SERPINA5: variants seen among roughly 807,000 people sequenced by gnomAD.
SERPINA5 encodes the protein plasma serine protease inhibitor.
A neutral mutation model predicts 25.3 loss-of-function variants in SERPINA5; 25 were observed. That is an observed-to-expected ratio of 0.99 (90% CI 0.72 to 1.38). The LOEUF (loss-of-function observed/expected upper bound fraction) is 1.38, where lower values mean the gene tolerates loss of function less well. Ranked by LOEUF, SERPINA5 falls within the 40% of genes most tolerant of loss-of-function variation. The pLI is 0.00. For synonymous variants in SERPINA5, 234 were observed against 206.2 expected (o/e 1.14, Z -1.16); for missense variants, 599 against 509.5 (o/e 1.18, Z -1.69).
Position 94,587,821 on chromosome 14 carries a change from C to A in SERPINA5, c.459C>A (p.Tyr153Ter). The A allele has an allele frequency of 6.2e-7, 1 of 1,613,994 alleles. No individual in the cohort carries two copies. The highest frequency in any genetic ancestry group is 8.5e-7 in the Non-Finnish European group (1 of 1,179,860). Residue 153 changes from tyrosine to a stop codon, truncating the protein, a stop_gained, in exon 3 of 6, where the codon TAC becomes TAA. Coordinates refer to ENST00000329597, the MANE Select transcript of SERPINA5 (RefSeq NM_000624.6). LOFTEE classifies it high-confidence loss of function. ...DTFVSAMKTL[Y>*]LADTFPTNFR... is the part of the protein sequence containing the mutation. ...TCGTAAGTGCCATGAAGACGCTGTA[C>A]CTGGCAGACACTTTCCCTACCAACT... is the stretch of plus-strand genomic sequence containing the variant.
chr14:94,585,008 C>T (rs1315624098), intron 2 of SERPINA5, among the ~76,000 whole-genome samples: 1 of 152,192 alleles, frequency 6.6e-6, no homozygotes, highest in African/African-American at 2.4e-5. Flanking sequence ...TCATTATCTG[C>T]AGATTAGGGC....
Position 94,590,911 on chromosome 14 carries a change from T to A in SERPINA5, c.1038+15T>A, listed in dbSNP as rs1885256030. The A allele has an allele frequency of 3.8e-6, 6 of 1,599,824 alleles. No individual in the cohort carries two copies. In the Admixed American group the frequency reaches 1.0e-4, roughly 27 times the overall value. On this transcript the variant is annotated intron_variant, in intron 5 of 5. Coordinates refer to ENST00000329597, the MANE Select transcript of SERPINA5 (RefSeq NM_000624.6). ...AGGTGTCTGAGGTGGGTTCAGAAGC[T>A]CCTATGCATCTGCTTCCCAAGGTCT...
At chr14:94,582,201 G>A (rs1884939696) in intron 2 of SERPINA5, 1 of 152,230 alleles carries the variant, frequency 6.6e-6, no homozygotes, top group African/African-American at 2.4e-5. Context: ...AATAAAGTAA[G>A]CAGAATTTTT....
chr14:94,590,567 C>T, intron 4 of SERPINA5, 182 bp from the exon 5 acceptor site: 1 of 817,948 alleles, frequency 1.2e-6, no homozygotes, highest in Non-Finnish European at 1.8e-6. Context: ...AAGTCCAGAG[C>T]AAGGGGAGGC....
chr14:94,586,094 C>G (rs1444197128), intron 2 of SERPINA5, among the ~76,000 whole-genome samples: 1 of 152,112 alleles, frequency 6.6e-6, no homozygotes, highest in Non-Finnish European at 1.5e-5. Flanking sequence ...AGACTTCTAC[C>G]CGTAGCCAGA....
chr14:94,590,544 G>A lies in SERPINA5; in HGVS notation c.891-205G>A, dbSNP rs1885245216. 1.9e-5 allele frequency: 15 copies of A among 782,946 alleles called. No individual in the cohort carries two copies. In the East Asian group the frequency reaches 3.9e-4, roughly 20 times the overall value. 48.5% of individuals were successfully genotyped at this position (782,946 alleles called of 1,614,324 possible). A position where few individuals can be genotyped will look rare whatever the true frequency, so the allele number is the denominator to read the frequency against. ...TGCCAGAGTGGGCAGAGACCTCTGG[G>A]CAGCCCACGTCCAAGTCCAGAGCAA... On this transcript the variant is annotated intron_variant, in intron 4 of 5. Coordinates refer to ENST00000329597, the MANE Select transcript of SERPINA5 (RefSeq NM_000624.6).
Position 94,582,568 on chromosome 14 carries a change from G to T in SERPINA5, c.-18+858G>T, listed in dbSNP as rs961368078. Among the ~76,000 whole-genome samples, 4 of 152,242 alleles carry T rather than the reference G, an allele frequency of 2.6e-5. No individual in the cohort carries two copies. The East Asian group carries it at 7.7e-4, about 29-fold the overall frequency. On this transcript the variant is annotated intron_variant, in intron 2 of 5. Transcript: ENST00000329597. The stretch of plus-strand genomic sequence containing the variant: ...TGAGCTCCGGGGCGGGGAGAGCTCA[G>T]CTCTGGGTGGCCAGCCTGGCTTTTT...
rs1162598388 is a variant in SERPINA5 at position 94,587,727 on chromosome 14, G to A, written c.365G>A (p.Arg122Lys). Reference protein sequence around the residue: ...QQLLQELNQPRDGFQLSLGNA... With the variant: ...QQLLQELNQPKDGFQLSLGNA... ...CTCCTTCAGGAACTCAACCAGCCCA[G>A]AGATGGCTTCCAGCTGAGCCTCGGC... Residue 122 changes from arginine (R) to lysine (K), a missense_variant, in exon 3 of 6, where the codon AGA becomes AAA. By Grantham distance (26) the Arg-to-Lys change is conservative (BLOSUM62 2). Coordinates refer to ENST00000329597, the MANE Select transcript of SERPINA5 (RefSeq NM_000624.6). 1 of 1,614,228 alleles carries A rather than the reference G, an allele frequency of 6.2e-7. No homozygotes were observed. Among genetic ancestry groups the A allele is most frequent in the Non-Finnish European group, 8.5e-7 (1 of 1,180,038 alleles).
chr14:94,583,351 C>A (rs1331530087), intron 2 of SERPINA5, among the ~76,000 whole-genome samples: 1 of 152,194 alleles, frequency 6.6e-6, no homozygotes, highest in Non-Finnish European at 1.5e-5. Flanking sequence ...GGAAAGGCGG[C>A]AGCTTTAAGA....
chr14:94,590,892 CT>C lies in SERPINA5; in HGVS notation c.1035del (p.Glu346ArgfsTer32). The C allele has an allele frequency of 6.2e-7, 1 of 1,610,360 alleles. No homozygotes were observed. Among genetic ancestry groups the C allele is most frequent in the Middle Eastern group, 1.7e-4 (1 of 6,056 alleles). ...GISNHSNIQV[S>X]EMVHKAVVEV... ...AGCAACCACTCAAATATCCAGGTGT[CT>C]GAGGTGGGTTCAGAAGCTCCTATGC... On this transcript the variant is annotated frameshift_variant, in exon 5 of 6. Coordinates refer to ENST00000329597, the MANE Select transcript of SERPINA5 (RefSeq NM_000624.6). LOFTEE classifies it low-confidence loss of function (END_TRUNC).
Position 94,584,974 on chromosome 14 carries a change from G to C in SERPINA5, c.-17-2372G>C, listed in dbSNP as rs148784904. On this transcript the variant is annotated intron_variant, in intron 2 of 5. Coordinates refer to ENST00000329597, the MANE Select transcript of SERPINA5 (RefSeq NM_000624.6). The stretch of plus-strand genomic sequence containing the variant: ...TGGGAACAGGTAGGGAGTGTCAGTG[G>C]GGGGAAGCCCAGACTCTGCTCACTC... Among the ~76,000 whole-genome samples the C allele has an allele frequency of 2.9e-3, 440 of 152,292 alleles. 1 individual carries two copies. Among genetic ancestry groups the C allele is most frequent in the African/African-American group, 9.6e-3 (400 of 41,574 alleles).
rs1448188631 is a variant in SERPINA5 at position 94,589,456 on chromosome 14, GAAAAAAAGA to G, written c.620-569_620-561del. ...GAGCGAGACTCCATCTCAAAAAGAA[GAAAAAAAGA>G]AAAAAAAGAAAAAAAGAAATAAAAT... On this transcript the variant is annotated intron_variant, in intron 3 of 5. Coordinates refer to ENST00000329597, the MANE Select transcript of SERPINA5 (RefSeq NM_000624.6). 7.6e-5 allele frequency among the ~76,000 whole-genome samples: 11 copies of G among 144,286 alleles called. No homozygotes were observed. The East Asian group carries it at 1.8e-3, about 24-fold the overall frequency. 94.7% of individuals were successfully genotyped at this position (144,286 alleles called of 152,430 possible).
intron 2 of SERPINA5, among the ~76,000 whole-genome samples, chr14:94,586,429 GC>G (rs1885086783): frequency 6.6e-6 from 1 of 152,062 alleles, no homozygotes; most frequent in African/African-American, 2.4e-5. Flanking sequence ...ACAGGTGGCT[GC>G]CTTCTCCCTG....
intron 5 of SERPINA5, among the ~76,000 whole-genome samples, chr14:94,591,602 C>CTATTCTATTCTATTCTATTT (rs1361686743): frequency 2.0e-5 from 3 of 151,146 alleles, no homozygotes; most frequent in African/African-American, 7.3e-5. Context: ...CTATTCTATT[C>CTATTCTATTCTATTCTATTT]TATTCTATTC....
chr14:94,586,725 C>G (rs1290969205), intron 2 of SERPINA5: 1 of 152,224 alleles, frequency 6.6e-6, no homozygotes, highest in Non-Finnish European at 1.5e-5. Flanking sequence ...GGGAAGATGT[C>G]TCTCTGTGGG....
chr14:94,587,418 T>C lies in SERPINA5; in HGVS notation c.56T>C (p.Leu19Pro), dbSNP rs559522481. 1.4e-4 allele frequency: 220 copies of C among 1,613,940 alleles called. 1 individual carries two copies. In the South Asian group the frequency reaches 2.3e-3, roughly 17 times the overall value. ...CTTCTCAGCCCTCAGGGGGCCTCCCTTCACCGCCACCACCCCCGGGAGATG... is the reference window on the plus strand; with the variant it reads ...CTTCTCAGCCCTCAGGGGGCCTCCCCTCACCGCCACCACCCCCGGGAGATG... ...LVLLSPQGASLHRHHPREMKK... is the reference protein window; with the variant it reads ...LVLLSPQGASPHRHHPREMKK... Residue 19 changes from leucine to proline, a missense_variant, in exon 3 of 6, where the codon CTT becomes CCT. Physicochemically the swap from Leu to Pro is moderately conservative, Grantham distance 98. Coordinates refer to ENST00000329597, the MANE Select transcript of SERPINA5 (RefSeq NM_000624.6).
In SERPINA5 at chr14:94,592,397, C is replaced by T; in HGVS notation, c.*158C>T. The stretch of plus-strand genomic sequence containing the variant: ...ACTCTATGATGATTGCTTCCACCCA[C>T]ACGACTGCAACATACAGGTGCCTTG... On this transcript the variant is annotated 3_prime_UTR_variant, in exon 6 of 6. Coordinates refer to ENST00000329597, the MANE Select transcript of SERPINA5 (RefSeq NM_000624.6). 1.4e-6 allele frequency: 1 copy of T among 701,052 alleles called. No homozygotes were observed. Among genetic ancestry groups the T allele is most frequent in the Non-Finnish European group, 2.3e-6 (1 of 429,550 alleles). The allele number at this position is 701,052 out of a possible 1,614,324, so 43.4% of individuals were successfully genotyped here.
chr14:94,590,284 G>T lies in SERPINA5; in HGVS notation c.863G>T (p.Arg288Met), dbSNP rs773619390. The T allele has an allele frequency of 1.2e-6, 2 of 1,609,312 alleles. No individual in the cohort carries two copies. The highest frequency in any genetic ancestry group is 2.2e-5 in the East Asian group (1 of 44,768). ...AATGGACTGAGTGAGAAAACGCTGA[G>T]GAAGTGGCTTAAGATGTTCAAAAAG... ...VENGLSEKTL[R>M]KWLKMFKKRQ... Residue 288 changes from arginine (R) to methionine (M), a missense_variant, in exon 4 of 6, where the codon AGG becomes ATG. Transcript: ENST00000329597.
intron 2 of SERPINA5, among the ~76,000 whole-genome samples, chr14:94,582,500 A>G (rs952322372): frequency 6.6e-6 from 1 of 152,234 alleles, no homozygotes; most frequent in Non-Finnish European, 1.5e-5. Context: ...AGGAAGCCAG[A>G]GCTGAGAGAC....
Sources: allele counts gnomAD v4.1 joint callset (sites outside exome capture counted in the v4.1 genomes callset), GRCh38; gene constraint gnomAD v4.1.1; transcripts MANE v1.5; gene names NCBI Gene and HGNC (gene_info 2026-07-23, HGNC 2026-07-21).